RNF180: variants seen among roughly 807,000 people sequenced by gnomAD.
RNF180 encodes the protein E3 ubiquitin-protein ligase RNF180.
RNF180 carries 38 observed loss-of-function variants against 59.2 expected under a neutral mutation model. The observed-to-expected ratio is 0.64, with a 90% CI of 0.50 to 0.84. The LOEUF is 0.84. RNF180 is among the 40% of genes least tolerant of loss of function. The pLI is 0.00. For missense variants in RNF180, 705 were observed against 700.9 expected, an observed-to-expected ratio of 1.01 and a Z score of -0.07; for synonymous variants, 262 against 240.3, an observed-to-expected ratio of 1.09 and a Z score of -0.84.
At chr5:64,351,329 T>A (rs1184356764) in intron 7 of RNF180, among the ~76,000 whole-genome samples, 1 of 152,154 alleles carries the variant, frequency 6.6e-6, no homozygotes, top group Admixed American at 6.6e-5. Context: ...TTTCTAAATA[T>A]ACAATCATGT....
intron 1 of RNF180, among the ~76,000 whole-genome samples, chr5:64,171,590 G>C (rs1749938759): frequency 1.3e-5 from 2 of 152,164 alleles, no homozygotes; most frequent in Admixed American, 1.3e-4. Flanking sequence ...GAGTTTGCCA[G>C]CTTAAATATT....
In RNF180 at chr5:64,330,290, A is replaced by C; in HGVS notation, c.1463A>C (p.Asn488Thr). ...SRVFFQTELN[N>T]ATKTFFTKEY... is the part of the protein sequence containing the mutation. The stretch of plus-strand genomic sequence containing the variant: ...TTTTGCTTTATTCTAGAATTGAACA[A>C]TGCCACAAAAACTTTCTTTACTAAA... Residue 488 changes from asparagine to threonine, a missense_variant, in exon 7 of 8, where the codon AAT becomes ACT. Coordinates refer to ENST00000389100, the MANE Select transcript of RNF180 (RefSeq NM_001113561.2). 5 of 1,475,852 alleles carry C rather than the reference A, an allele frequency of 3.4e-6. No homozygotes were observed. Among genetic ancestry groups the C allele is most frequent in the South Asian group, 1.3e-5 (1 of 78,242 alleles). 91.4% of individuals were successfully genotyped at this position (1,475,852 alleles called of 1,614,324 possible). A position where few individuals can be genotyped will look rare whatever the true frequency, so the allele number is the denominator to read the frequency against.
At chr5:64,220,670 A>G (rs1350608202) in intron 5 of RNF180, among the ~76,000 whole-genome samples, 1 of 152,082 alleles carries the variant, frequency 6.6e-6, no homozygotes, top group Non-Finnish European at 1.5e-5. Context: ...TTTAAACAGC[A>G]TTTCATTCTA....
At chr5:64,182,904 G>A (rs1367065473) in intron 1 of RNF180, among the ~76,000 whole-genome samples, 2 of 152,156 alleles carry the variant, frequency 1.3e-5, no homozygotes, top group African/African-American at 4.8e-5. Flanking sequence ...GAGTACTTCC[G>A]ATGTCACGTA....
At chr5:64,332,174 C>T (rs1744938594) in intron 7 of RNF180, among the ~76,000 whole-genome samples, 1 of 152,072 alleles carries the variant, frequency 6.6e-6, no homozygotes, top group Non-Finnish European at 1.5e-5. Flanking sequence ...ACTGGCCCAG[C>T]AGGCACAAGC....
At chr5:64,197,081 G>A (rs1751490285) in intron 1 of RNF180, among the ~76,000 whole-genome samples, 1 of 152,148 alleles carries the variant, frequency 6.6e-6, no homozygotes, top group South Asian at 2.1e-4. Flanking sequence ...AATTATTACT[G>A]TGTCAAATGC....
At chr5:64,275,056 T>C (rs1260681129) in intron 5 of RNF180, among the ~76,000 whole-genome samples, 8 of 152,022 alleles carry the variant, frequency 5.3e-5, no homozygotes, top group African/African-American at 1.9e-4. Context: ...AATGCACATT[T>C]GAAGCCATAT....
chr5:64,238,199 C>A (rs1344866528), intron 5 of RNF180, among the ~76,000 whole-genome samples: 7 of 152,002 alleles, frequency 4.6e-5, no homozygotes, highest in South Asian at 4.2e-4. Flanking sequence ...TGTATAGTAC[C>A]CATTATATGT....
At chr5:64,326,968 A>G (rs2112527456) in intron 6 of RNF180, among the ~76,000 whole-genome samples, 1 of 152,230 alleles carries the variant, frequency 6.6e-6, no homozygotes, top group East Asian at 1.9e-4. Context: ...TTTTGTTACT[A>G]ATTCAATCTC....
At chr5:64,204,368 A>G (rs987822195) in intron 2 of RNF180, among the ~76,000 whole-genome samples, 6 of 152,212 alleles carry the variant, frequency 3.9e-5, no homozygotes, top group African/African-American at 1.2e-4. Context: ...GGGTATGTGC[A>G]TGTTCAACTT....
intron 1 of RNF180, among the ~76,000 whole-genome samples, chr5:64,182,828 G>A (rs1750676925): frequency 6.6e-6 from 1 of 152,206 alleles, no homozygotes; most frequent in South Asian, 2.1e-4. Flanking sequence ...ATAGTAATGT[G>A]TGCAGAGTCT....
At chr5:64,358,219 T>C (rs1395818032) in intron 7 of RNF180, among the ~76,000 whole-genome samples, 2 of 151,844 alleles carry the variant, frequency 1.3e-5, no homozygotes, top group Non-Finnish European at 2.9e-5. Context: ...GGTATATTGC[T>C]GGTTATTGTG....
chr5:64,303,715 C>T (rs910931922), intron 5 of RNF180, among the ~76,000 whole-genome samples: 2 of 151,584 alleles, frequency 1.3e-5, no homozygotes, highest in African/African-American at 4.8e-5. Context: ...GAAGCTGTCT[C>T]TATAACAAAA....
At chr5:64,346,142 G>T (rs1052834282) in intron 7 of RNF180, among the ~76,000 whole-genome samples, 1 of 151,792 alleles carries the variant, frequency 6.6e-6, no homozygotes, top group African/African-American at 2.4e-5. Context: ...CAGGAATTGG[G>T]CTTCCCAAAA....
chr5:64,305,142 G>A (rs1580215401), intron 5 of RNF180, among the ~76,000 whole-genome samples: 1 of 151,568 alleles, frequency 6.6e-6, no homozygotes, highest in East Asian at 1.9e-4. Flanking sequence ...TATGCACTGG[G>A]AAACCAAACA....
intron 6 of RNF180, among the ~76,000 whole-genome samples, chr5:64,329,447 CT>C (rs901482497): frequency 1.4e-5 from 2 of 146,714 alleles, no homozygotes; most frequent in South Asian, 2.2e-4. Context: ...GATTTTTTTT[CT>C]TTTTTTTTCT....
chr5:64,293,007 C>T (rs1490038722), intron 5 of RNF180, among the ~76,000 whole-genome samples: 3 of 152,212 alleles, frequency 2.0e-5, no homozygotes, highest in Non-Finnish European at 2.9e-5. Flanking sequence ...GTCCACCTAA[C>T]CACAGAAATG....
chr5:64,186,118 G>A (rs141976381), intron 1 of RNF180, among the ~76,000 whole-genome samples: 1 of 151,978 alleles, frequency 6.6e-6, no homozygotes, highest in Non-Finnish European at 1.5e-5. Context: ...TAGTATAGTT[G>A]CCTCTGCATC....
chr5:64,166,513 A>C (rs188627957), intron 1 of RNF180, among the ~76,000 whole-genome samples: 1 of 152,200 alleles, frequency 6.6e-6, no homozygotes, highest in Non-Finnish European at 1.5e-5. Context: ...GGCAGAGGTC[A>C]TAAGCTCTGA....
Sources: allele counts gnomAD v4.1 joint callset (sites outside exome capture counted in the v4.1 genomes callset), GRCh38; gene constraint gnomAD v4.1.1; transcripts MANE v1.5; gene names NCBI Gene and HGNC (gene_info 2026-07-23, HGNC 2026-07-21).